CNBD1: variants seen among roughly 807,000 people sequenced by gnomAD.
CNBD1 encodes cyclic nucleotide binding domain containing 1.
In CNBD1, 71 loss-of-function variants were observed where a neutral mutation model predicts 54.4. The observed-to-expected ratio is 1.30, with a 90% confidence interval of 1.08 to 1.59. The LOEUF is 1.59. Ranked by LOEUF, CNBD1 falls within the 40% of genes most tolerant of loss-of-function variation. The pLI, the probability that CNBD1 is intolerant of heterozygous loss-of-function variation, is 0.00. For missense variants in CNBD1, 659 were observed against 518.0 expected (o/e 1.27, Z -2.64); for synonymous variants, 182 against 170.7 (o/e 1.07, Z -0.51).
At chr8:87,062,669 C>T (rs1810569234) in intron 4 of CNBD1, among the ~76,000 whole-genome samples, 1 of 151,502 alleles carries the variant, frequency 6.6e-6, no homozygotes, top group Non-Finnish European at 1.5e-5. Flanking sequence ...ACTCGGGAGG[C>T]AGCGATTGCG....
At chr8:87,337,305 A>C (rs1345318043) in intron 8 of CNBD1, among the ~76,000 whole-genome samples, 1 of 152,144 alleles carries the variant, frequency 6.6e-6, no homozygotes, top group South Asian at 2.1e-4. Context: ...GGAGGAGGAA[A>C]GATTAAGTCT....
intron 4 of CNBD1, among the ~76,000 whole-genome samples, chr8:86,949,677 A>C (rs1005813664): frequency 6.6e-6 from 1 of 151,910 alleles, no homozygotes; most frequent in South Asian, 2.1e-4. Context: ...AAATAATTTG[A>C]CTTTTTCTTT....
chr8:86,973,984 T>C (rs1161613473), intron 4 of CNBD1, among the ~76,000 whole-genome samples: 1 of 152,132 alleles, frequency 6.6e-6, no homozygotes, highest in East Asian at 1.9e-4. Flanking sequence ...AAATTTAATC[T>C]TCTAATAAAA....
intron 2 of CNBD1, among the ~76,000 whole-genome samples, chr8:87,419,153 A>C (rs1382636002): frequency 6.6e-6 from 1 of 151,968 alleles, no homozygotes; most frequent in Non-Finnish European, 1.5e-5. Context: ...TGCTACAAAC[A>C]ATAGATGAAT....
intron 4 of CNBD1, among the ~76,000 whole-genome samples, chr8:87,146,026 A>G (rs1264214937): frequency 5.3e-5 from 8 of 152,154 alleles, no homozygotes; most frequent in Admixed American, 2.0e-4. Context: ...TCCTTCTTTG[A>G]CTCTGCATTG....
intron 4 of CNBD1, among the ~76,000 whole-genome samples, chr8:87,124,463 T>G (rs1489736317): frequency 6.6e-6 from 1 of 151,684 alleles, no homozygotes; most frequent in Non-Finnish European, 1.5e-5. Context: ...CACAATAAAG[T>G]GGTATTTGTC....
intron 8 of CNBD1, among the ~76,000 whole-genome samples, chr8:87,295,397 T>C (rs904118115): frequency 1.3e-5 from 2 of 151,964 alleles, no homozygotes; most frequent in Admixed American, 6.6e-5. Flanking sequence ...ATATTAGTTA[T>C]GTAAAGTTAA....
In CNBD1 at chr8:87,419,395, T is replaced by G. The variant is rs186850730; in HGVS notation, c.214-9151T>G. Among the ~76,000 whole-genome samples the G allele has an allele frequency of 9.9e-5, 15 of 152,034 alleles. No individual in the cohort carries two copies. The Middle Eastern group carries it at 0.017, about 172-fold the overall frequency. ...AGATATGGTTCCACAGTTGTATGAA[T>G]ACACTGAAAACCACTAAACTGTACT... On this transcript the variant is annotated intron_variant, in intron 2 of 7. Coordinates refer to the CNBD1 transcript ENST00000521593.
At chr8:86,931,457 G>T (rs113455340) in intron 3 of CNBD1, among the ~76,000 whole-genome samples, 1 of 146,178 alleles carries the variant, frequency 6.8e-6, no homozygotes, top group South Asian at 2.3e-4. Context: ...GGGCAAGGGG[G>T]TGGCTTATTT....
chr8:87,251,688 G>C (rs184468315), intron 6 of CNBD1, among the ~76,000 whole-genome samples: 75 of 151,340 alleles, frequency 5.0e-4, no homozygotes, highest in African/African-American at 1.7e-3. Flanking sequence ...GTACCATTCA[G>C]AGTCACATGA....
rs1554626453 is a variant in CNBD1 at position 86,870,189 on chromosome 8, C to CCTTTTTTTTTTTTTTTTTT, written c.88+3606_88+3607insCTTTTTTTTTTTTTTTTTT. Among the ~76,000 whole-genome samples, 291 of 100,546 alleles carry CCTTTTTTTTTTTTTTTTTT rather than the reference C, an allele frequency of 2.9e-3. 18 individuals carry two copies. Among genetic ancestry groups the CCTTTTTTTTTTTTTTTTTT allele is most frequent in the African/African-American group, 3.6e-3 (89 of 24,898 alleles). 66.0% of individuals were successfully genotyped at this position (100,546 alleles called of 152,430 possible). Reference sequence around the variant, plus strand: ...AGAAATTTAGAAACAAGATAGTACTCTTTTTTTTTTTTTTTCTGAGACGGA... The same window carrying CCTTTTTTTTTTTTTTTTTT: ...AGAAATTTAGAAACAAGATAGTACTCCTTTTTTTTTTTTTTTTTTTTTTTTTTTTTTTTTCTGAGACGGA... On this transcript the variant is annotated intron_variant, in intron 1 of 10. Coordinates refer to ENST00000518476, the MANE Select transcript of CNBD1 (RefSeq NM_173538.3).
At position 87,204,810 on chromosome 8, in the gene CNBD1, A is replaced by G. The variant is rs1158503764; in HGVS notation, c.432-1183A>G. Among the ~76,000 whole-genome samples the G allele has an allele frequency of 5.9e-5, 9 of 152,138 alleles. No individual in the cohort carries two copies. In the East Asian group the frequency reaches 1.5e-3, roughly 26 times the overall value. On this transcript the variant is annotated intron_variant, in intron 4 of 10. Transcript: ENST00000518476. The stretch of plus-strand genomic sequence containing the variant: ...TTTGGCTGCTAAGTCAATGGCACAT[A>G]TTTTAGGTTTTGGTTATGATATCAT...
chr8:87,093,986 G>A (rs983111653), intron 4 of CNBD1, among the ~76,000 whole-genome samples: 3 of 152,078 alleles, frequency 2.0e-5, no homozygotes, highest in Non-Finnish European at 4.4e-5. Context: ...TAAAGTAATG[G>A]CTGGATCTAC....
chr8:87,240,827 A>T (rs528210875), intron 6 of CNBD1, among the ~76,000 whole-genome samples: 2 of 151,898 alleles, frequency 1.3e-5, no homozygotes, highest in African/African-American at 2.4e-5. Flanking sequence ...GTTGCCTCCT[A>T]GAGGGCTTTT....
chr8:87,007,658 C>CTAT (rs1809131147), intron 4 of CNBD1, among the ~76,000 whole-genome samples: 1 of 152,054 alleles, frequency 6.6e-6, no homozygotes, highest in South Asian at 2.1e-4. Flanking sequence ...AAGTCACTTA[C>CTAT]TATACTTCAG....
At chr8:87,147,260 T>C (rs957451628) in intron 4 of CNBD1, among the ~76,000 whole-genome samples, 14 of 152,128 alleles carry the variant, frequency 9.2e-5, no homozygotes, top group Non-Finnish European at 2.1e-4. Context: ...CTATCATCTA[T>C]GTAATACCCC....
At chr8:87,303,417 G>A (rs1380268621) in intron 8 of CNBD1, among the ~76,000 whole-genome samples, 1 of 151,766 alleles carries the variant, frequency 6.6e-6, no homozygotes, top group East Asian at 1.9e-4. Context: ...ATGGTGCTGG[G>A]AAAACTGGCT....
At chr8:87,347,388 A>G (rs1360680075) in intron 8 of CNBD1, among the ~76,000 whole-genome samples, 1 of 152,252 alleles carries the variant, frequency 6.6e-6, no homozygotes, top group African/African-American at 2.4e-5. Context: ...ATATGTAGAT[A>G]CATAAGTGAA....
chr8:87,324,727 A>G (rs1413980354), intron 8 of CNBD1, among the ~76,000 whole-genome samples: 21 of 150,320 alleles, frequency 1.4e-4, no homozygotes, highest in African/African-American at 2.7e-4. Context: ...CGGTCTATCA[A>G]TTTTGTTGAT....
Sources: allele counts gnomAD v4.1 joint callset (sites outside exome capture counted in the v4.1 genomes callset), GRCh38; gene constraint gnomAD v4.1.1; transcripts MANE v1.5; gene names NCBI Gene and HGNC (gene_info 2026-07-23, HGNC 2026-07-21).